INPP5F: variants seen among roughly 807,000 people sequenced by gnomAD.
INPP5F encodes the protein inositol polyphosphate-5-phosphatase F, also known as phosphatidylinositide 4-phosphatase SAC2.
Under a neutral mutation model 137.2 loss-of-function variants are expected in INPP5F, and 97 were observed. The observed-to-expected ratio is 0.71, with a 90% CI of 0.60 to 0.84. The LOEUF (loss-of-function observed/expected upper bound fraction) is 0.84. Ranked by LOEUF, INPP5F falls within the 40% of genes least tolerant of loss-of-function variation. The pLI, the probability that INPP5F is intolerant of heterozygous loss-of-function variation, is 0.00. For synonymous variants in INPP5F, 504 were observed against 476.9 expected (o/e 1.06, Z -0.74); for missense variants, 1,271 against 1,371.9 (o/e 0.93, Z 1.16).
chr10:119,791,379 A>G (rs1850137605), intron 3 of INPP5F, 138 bp from the exon 4 acceptor site: 2 of 693,196 alleles, frequency 2.9e-6, no homozygotes, highest in Admixed American at 2.3e-5. Context: ...CTTGCCATCA[A>G]TTGTCTACTT....
rs1851856610 is a variant in INPP5F, at chr10:119,828,359, G to A, written c.*579G>A. 6.5e-6 allele frequency: 1 copy of A among 152,690 alleles called. No individual in the cohort carries two copies. The highest frequency in any genetic ancestry group is 1.5e-5 in the Non-Finnish European group (1 of 68,514). The allele number at this position is 152,690 out of a possible 1,614,324, so 9.5% of individuals were successfully genotyped here. On this transcript the variant is annotated 3_prime_UTR_variant, in exon 20 of 20. Transcript: ENST00000650623. ...TCCTAATTTTCCCCGTATTCTACTT[G>A]AACACATTAAAAATACTCTGCTGCC...
At chr10:119,736,419 A>G (rs775995923) in intron 1 of INPP5F, among the ~76,000 whole-genome samples, 3 of 151,992 alleles carry the variant, frequency 2.0e-5, no homozygotes, top group African/African-American at 7.3e-5. Flanking sequence ...TCCTGCCTCA[A>G]CCTCCCAAAG....
Position 119,823,814 on chromosome 10 carries a change from GA to G in INPP5F, c.2162del (p.Asp721ValfsTer23). 3.7e-6 allele frequency: 6 copies of G among 1,612,430 alleles called. No individual in the cohort carries two copies. Among genetic ancestry groups the G allele is most frequent in the Non-Finnish European group, 5.1e-6 (6 of 1,179,094 alleles). ...GGCAGGCAGTTATATTTGGGTTGCA[GA>G]TACCCTTCAGTGCATTGCAGAGATG... is the stretch of plus-strand genomic sequence containing the variant. ...VMRNPEEDGK[D>X]TLQCIAEMLQ... On this transcript the variant is annotated frameshift_variant and splice_region_variant, in exon 19 of 20. Transcript: ENST00000650623. LOFTEE classifies it high-confidence loss of function.
rs924140358 is a variant in INPP5F, at chr10:119,787,359, C to T, written c.316-4158C>T. ...CAACACTTTGAGAGGCCGAGGCAAG[C>T]AGATAACTTGAGGTCAGGAGTTCAA... On this transcript the variant is annotated intron_variant, in intron 3 of 19. Coordinates refer to ENST00000650623, the MANE Select transcript of INPP5F (RefSeq NM_014937.4). The surrounding 1 kb of genome is among the most constrained non-coding windows in gnomAD (Gnocchi z 4.1). Among the ~76,000 whole-genome samples, 1 of 152,162 alleles carries T rather than the reference C, an allele frequency of 6.6e-6. No homozygotes were observed. The highest frequency in any genetic ancestry group is 6.5e-5 in the Admixed American group (1 of 15,278).
At chr10:119,805,234 C>A in intron 10 of INPP5F, 150 bp from the exon 11 acceptor site, 1 of 579,270 alleles carries the variant, frequency 1.7e-6, no homozygotes, top group Non-Finnish European at 3.0e-6. Context: ...TACCTAATTG[C>A]CTATATAATA....
rs768696650 is a variant in INPP5F, at chr10:119,804,173, G to T, written c.1117G>T (p.Val373Phe). ...EEQLNIYKKQVIINLVDQAGR... is the reference protein window; with the variant it reads ...EEQLNIYKKQFIINLVDQAGR... The stretch of plus-strand genomic sequence containing the variant: ...TTTTTCTGTTTCTTTGCTCTTATAG[G>T]TTATTATTAACTTGGTAGACCAGGC... The change falls in exon 10 of 20, where the codon GTT becomes TTT. Residue 373 changes from valine (V) to phenylalanine (F), a missense_variant and splice_region_variant. Physicochemically the swap from Val to Phe is conservative, Grantham distance 50. Transcript: ENST00000650623. 1 of 1,602,144 alleles carries T rather than the reference G, an allele frequency of 6.2e-7. No individual in the cohort carries two copies.
At chr10:119,729,637 C>T (rs138314356) in intron 1 of INPP5F, among the ~76,000 whole-genome samples, 1,953 of 149,804 alleles carry the variant, frequency 0.013, 39 homozygotes, top group South Asian at 0.081. Context: ...AGTGCAGTGG[C>T]GTGATCATGG....
At chr10:119,754,448 T>TGATA (rs954156857) in intron 2 of INPP5F, among the ~76,000 whole-genome samples, 1 of 152,112 alleles carries the variant, frequency 6.6e-6, no homozygotes, top group African/African-American at 2.4e-5. Flanking sequence ...AATAGGTGAT[T>TGATA]GATAGGCAGT....
intron 2 of INPP5F, among the ~76,000 whole-genome samples, chr10:119,760,496 A>C (rs1387159867): frequency 2.6e-5 from 4 of 152,180 alleles, no homozygotes; most frequent in Non-Finnish European, 5.9e-5. Flanking sequence ...GGTAAAAATG[A>C]CTGTGTGGGC....
intron 14 of INPP5F, among the ~76,000 whole-genome samples, chr10:119,810,539 C>T (rs190919625): frequency 2.7e-3 from 415 of 152,202 alleles, no homozygotes; most frequent in Middle Eastern, 0.01. Context: ...CTTCATATTC[C>T]GTTTGTTTTC....
chr10:119,746,566 A>G (rs1848539742), intron 1 of INPP5F, among the ~76,000 whole-genome samples: 1 of 152,244 alleles, frequency 6.6e-6, no homozygotes. Context: ...GTTAACAACT[A>G]ACAGAGATGA....
intron 1 of INPP5F, among the ~76,000 whole-genome samples, chr10:119,736,171 C>T (rs956215250): frequency 6.6e-6 from 1 of 152,122 alleles, no homozygotes; most frequent in African/African-American, 2.4e-5. Context: ...CAACACATTG[C>T]CATATTTCTT....
rs570752897 is a variant in INPP5F at position 119,735,809 on chromosome 10, T to G, written c.97+9450T>G. ...CATCTAACTAATTTAGTATTATATTTATTTCTCCTAACAAATTACATCGCC... is the reference window on the plus strand; with the variant it reads ...CATCTAACTAATTTAGTATTATATTGATTTCTCCTAACAAATTACATCGCC... On this transcript the variant is annotated intron_variant, in intron 1 of 19. Coordinates refer to ENST00000650623, the MANE Select transcript of INPP5F (RefSeq NM_014937.4). 4.2e-4 allele frequency among the ~76,000 whole-genome samples: 64 copies of G among 152,348 alleles called. No individual in the cohort carries two copies. The South Asian group carries it at 0.012, about 29-fold the overall frequency.
At chr10:119,807,297 AT>A (rs1850833921) in intron 12 of INPP5F, among the ~76,000 whole-genome samples, 1 of 152,196 alleles carries the variant, frequency 6.6e-6, no homozygotes, top group Non-Finnish European at 1.5e-5. Context: ...AAATAAAAAA[AT>A]AAAATACATA....
intron 2 of INPP5F, among the ~76,000 whole-genome samples, chr10:119,777,273 GC>G (rs1849554725): frequency 6.6e-6 from 1 of 152,100 alleles, no homozygotes; most frequent in South Asian, 2.1e-4. Context: ...AGTTTGAGAG[GC>G]CAAGTCGGGC....
intron 15 of INPP5F, chr10:119,819,785 A>G (rs1432539787): frequency 2.9e-6 from 1 of 339,746 alleles, no homozygotes; most frequent in Non-Finnish European, 5.3e-6. Flanking sequence ...TGTTGGACTC[A>G]AGCTACAACG....
At chr10:119,814,257 C>T (rs556412933) in intron 15 of INPP5F, among the ~76,000 whole-genome samples, 7 of 152,090 alleles carry the variant, frequency 4.6e-5, no homozygotes, top group South Asian at 2.1e-4. Context: ...CATGGTGGTG[C>T]GTGCCTGTAG....
At chr10:119,734,987 G>A (rs1003272539) in intron 1 of INPP5F, among the ~76,000 whole-genome samples, 6 of 152,102 alleles carry the variant, frequency 3.9e-5, no homozygotes, top group African/African-American at 1.4e-4. Flanking sequence ...ACTAATAATT[G>A]TTAAAGGTTA....
At chr10:119,785,585 A>G (rs1301574765) in intron 3 of INPP5F, among the ~76,000 whole-genome samples, 4 of 150,606 alleles carry the variant, frequency 2.7e-5, no homozygotes, top group African/African-American at 7.3e-5. Flanking sequence ...AGAGACTGAG[A>G]CTGACTTTGC....
Sources: gnomAD v4.1 joint callset for allele counts (sites outside exome capture counted in the v4.1 genomes callset) on GRCh38, gnomAD v4.1.1 for gene constraint, Gnocchi (gnomAD v3.1) non-coding constraint, MANE v1.5 for transcripts, NCBI Gene and HGNC (gene_info 2026-07-23, HGNC 2026-07-21) for gene names.